Variants in ARHGAP42 observed in about 807,000 individuals in gnomAD.
ARHGAP42 encodes the protein Rho GTPase activating protein 42.
ARHGAP42 carries 63 observed loss-of-function variants against 125.0 expected under a neutral mutation model. The observed-to-expected ratio is 0.50, with a 90% CI of 0.41 to 0.62. The LOEUF (loss-of-function observed/expected upper bound fraction) is 0.62. ARHGAP42 is among the 20% of genes least tolerant of loss of function. ARHGAP42 has a pLI of 0.00. For missense variants in ARHGAP42, 766 were observed against 1,024.2 expected, an observed-to-expected ratio of 0.75 and a Z score of 3.44; for synonymous variants, 339 against 351.0, an observed-to-expected ratio of 0.97 and a Z score of 0.38.
rs1591332591 is a variant in ARHGAP42, at chr11:100,973,336, T to C, written c.1710+2T>C. 6.5e-7 allele frequency: 1 copy of C among 1,547,714 alleles called. No individual in the cohort carries two copies. The highest frequency in any genetic ancestry group is 8.7e-7 in the Non-Finnish European group (1 of 1,145,872). ...ATTCTGATAGAGCACTATGAAAAGG[T>C]AGGCGGAATTTTCATGTGGAAGTGT... On this transcript the variant is annotated splice_donor_variant, in intron 18 of 23. Transcript: ENST00000298815. LOFTEE classifies it high-confidence loss of function.
At chr11:100,859,497 C>T in intron 3 of ARHGAP42, 57 bp from the exon 4 acceptor site, 2 of 1,424,722 alleles carry the variant, frequency 1.4e-6, no homozygotes, top group African/African-American at 2.9e-5. Context: ...GCCATTTTTT[C>T]AATGTTGTTG....
chr11:100,812,192 A>C (rs1269811036), intron 3 of ARHGAP42, among the ~76,000 whole-genome samples: 1 of 152,212 alleles, frequency 6.6e-6, no homozygotes, highest in Non-Finnish European at 1.5e-5. Flanking sequence ...CTTTTGCTTA[A>C]AGACACAAGC....
intron 4 of ARHGAP42, among the ~76,000 whole-genome samples, chr11:100,881,810 C>T (rs546155790): frequency 1.1e-4 from 16 of 151,538 alleles, no homozygotes; most frequent in Non-Finnish European, 2.2e-4. Context: ...TAGGTGTATT[C>T]CTAAGTTGTT....
chr11:100,710,093 T>C (rs941785758), intron 1 of ARHGAP42, among the ~76,000 whole-genome samples: 1 of 152,218 alleles, frequency 6.6e-6, no homozygotes, highest in Admixed American at 6.5e-5. Flanking sequence ...ACTTTGAGAT[T>C]ACTCCTTTTT....
chr11:100,993,729 A>T lies in ARHGAP42; in HGVS notation c.*4928A>T, dbSNP rs940815905. The T allele has an allele frequency of 6.0e-6, 1 of 167,100 alleles. No homozygotes were observed. The highest frequency in any genetic ancestry group is 1.5e-5 in the Non-Finnish European group (1 of 68,122). The allele number at this position is 167,100 out of a possible 1,614,324, so 10.4% of individuals were successfully genotyped here. ...ACATGACAAATTAAGTAATAAATAT[A>T]AAAGTGATTGTCCATAAATTATCAT... On this transcript the variant is annotated 3_prime_UTR_variant, in exon 24 of 24. Coordinates refer to ENST00000298815, the MANE Select transcript of ARHGAP42 (RefSeq NM_152432.4).
chr11:100,976,929 T>C lies in ARHGAP42; in HGVS notation c.2351T>C (p.Leu784Pro). 1 of 1,551,494 alleles carries C rather than the reference T, an allele frequency of 6.4e-7. No individual in the cohort carries two copies. Among genetic ancestry groups the C allele is most frequent in the Non-Finnish European group, 8.7e-7 (1 of 1,146,840 alleles). The stretch of plus-strand genomic sequence containing the variant: ...CCGAAAATGTGCAGGAGATTAAGAC[T>C]AGACACTGCCTCAAGCAATGGCTAT... ...LPPKMCRRLRLDTASSNGYQR... is the reference protein window; with the variant it reads ...LPPKMCRRLRPDTASSNGYQR... Residue 784 changes from leucine (L) to proline (P), a missense_variant, in exon 21 of 24, where the codon CTA becomes CCA. By Grantham distance (98) the Leu-to-Pro change is moderately conservative. This residue lies in a region of ARHGAP42 where 308 missense variants were observed against 369.7 expected (regional missense o/e 0.83). Transcript: ENST00000298815.
intron 3 of ARHGAP42, among the ~76,000 whole-genome samples, chr11:100,821,168 A>G (rs1233147996): frequency 2.0e-5 from 3 of 152,048 alleles, no homozygotes; most frequent in African/African-American, 7.2e-5. Flanking sequence ...GGAGATGGAG[A>G]GAGATGAGTA....
At chr11:100,828,491 A>G (rs1864580521) in intron 3 of ARHGAP42, among the ~76,000 whole-genome samples, 1 of 152,108 alleles carries the variant, frequency 6.6e-6, no homozygotes, top group Non-Finnish European at 1.5e-5. Flanking sequence ...AGTTCACCAG[A>G]TATGCTCAAA....
chr11:100,945,543 C>T, intron 10 of ARHGAP42, among the ~76,000 whole-genome samples: 1 of 152,070 alleles, frequency 6.6e-6, no homozygotes, highest in East Asian at 1.9e-4. Flanking sequence ...ACTTATTCCT[C>T]TTATTCCTTG....
chr11:100,780,015 G>A (rs1445952035), intron 2 of ARHGAP42, among the ~76,000 whole-genome samples: 1 of 150,726 alleles, frequency 6.6e-6, no homozygotes, highest in Non-Finnish European at 1.5e-5. Context: ...GACAGAGTGA[G>A]ACTCCATCTC....
At position 100,945,601 on chromosome 11, in the gene ARHGAP42, T is replaced by C. The variant is rs554931557; in HGVS notation, c.1043+1733T>C. 6.6e-5 allele frequency among the ~76,000 whole-genome samples: 10 copies of C among 152,244 alleles called. 1 individual carries two copies. In the South Asian group the frequency reaches 1.9e-3, roughly 28 times the overall value. On this transcript the variant is annotated intron_variant, in intron 10 of 23. Coordinates refer to ENST00000298815, the MANE Select transcript of ARHGAP42 (RefSeq NM_152432.4). ...GTTGTGTCAGCAGGCATGAATATAT[T>C]ATTCTCCATTTAAATCTCTATCAGA...
At chr11:100,702,506 T>G (rs1449107183) in intron 1 of ARHGAP42, among the ~76,000 whole-genome samples, 2 of 152,008 alleles carry the variant, frequency 1.3e-5, no homozygotes, top group Admixed American at 1.3e-4. Context: ...AGCACATGCT[T>G]TTGGAAAAGT....
intron 3 of ARHGAP42, among the ~76,000 whole-genome samples, chr11:100,858,063 C>T (rs540756887): frequency 1.7e-4 from 25 of 146,930 alleles, no homozygotes; most frequent in Middle Eastern, 3.4e-3. Context: ...AGCTATGTGT[C>T]GCATCTGTAC....
At chr11:100,853,577 A>T (rs1865255276) in intron 3 of ARHGAP42, among the ~76,000 whole-genome samples, 1 of 152,140 alleles carries the variant, frequency 6.6e-6, no homozygotes, top group Non-Finnish European at 1.5e-5. Flanking sequence ...TAGAGTTATG[A>T]TGTTAATTAC....
chr11:100,895,538 A>AG (rs1170500240), intron 4 of ARHGAP42, among the ~76,000 whole-genome samples: 18 of 132,424 alleles, frequency 1.4e-4, no homozygotes, highest in African/African-American at 5.1e-4. Flanking sequence ...AGATCAAGGG[A>AG]GGAGGGTCAG....
chr11:100,973,358 G>A, intron 18 of ARHGAP42, 24 bp downstream of exon 18: 7 of 1,547,490 alleles, frequency 4.5e-6, no homozygotes, highest in Non-Finnish European at 6.1e-6. Context: ...TCATGTGGAA[G>A]TGTCAAGTTT....
At chr11:100,918,739 T>G (rs1286551092) in intron 5 of ARHGAP42, among the ~76,000 whole-genome samples, 1 of 152,160 alleles carries the variant, frequency 6.6e-6, no homozygotes, top group Non-Finnish European at 1.5e-5. Flanking sequence ...TGGATGACGT[T>G]TCACAGCAGC....
chr11:100,767,019 T>C (rs1448926915), intron 1 of ARHGAP42, among the ~76,000 whole-genome samples: 1 of 152,204 alleles, frequency 6.6e-6, no homozygotes, highest in African/African-American at 2.4e-5. Context: ...ACAATAATAC[T>C]GTCACGGCTT....
At chr11:100,736,060 A>T (rs1316521263) in intron 1 of ARHGAP42, among the ~76,000 whole-genome samples, 2 of 152,220 alleles carry the variant, frequency 1.3e-5, no homozygotes, top group Non-Finnish European at 2.9e-5. Flanking sequence ...GAGCTGAGAT[A>T]TATTTTTCAA....
Sources: gnomAD v4.1 joint callset for allele counts (sites outside exome capture counted in the v4.1 genomes callset) on GRCh38, gnomAD v4.1.1 for gene constraint, gnomAD v4.1.1 regional missense constraint, MANE v1.5 for transcripts, NCBI Gene and HGNC (gene_info 2026-07-23, HGNC 2026-07-21) for gene names.